Variants in RABL2A observed in about 807,000 individuals in gnomAD.
RABL2A encodes the protein rab-like protein 2A.
A neutral mutation model predicts 30.7 loss-of-function variants in RABL2A; 17 were observed. That is an observed-to-expected ratio of 0.55 (90% CI 0.38 to 0.83). The LOEUF is 0.83. Among genes scored for constraint, RABL2A ranks in the 40% least tolerant of loss-of-function variants. The pLI is 0.00. For synonymous variants in RABL2A, 64 were observed against 101.8 expected, an observed-to-expected ratio of 0.63 and a Z score of 2.24; for missense variants, 155 against 272.6, an observed-to-expected ratio of 0.57 and a Z score of 3.04.
chr2:113,643,278 T>C lies in RABL2A; in HGVS notation c.*1149T>C. ...ATGCCTGTTCACCCCTCTCTGGTAC[T>C]TGTGGCTTGCTAGTATGTTTTTATG... is the stretch of plus-strand genomic sequence containing the variant. On this transcript the variant is annotated 3_prime_UTR_variant, in exon 9 of 9. Coordinates refer to ENST00000683472, the MANE Select transcript of RABL2A (RefSeq NM_001306158.2). 1 of 346,918 alleles carries C rather than the reference T, an allele frequency of 2.9e-6. No homozygotes were observed. Among genetic ancestry groups the C allele is most frequent in the Non-Finnish European group, 5.7e-6 (1 of 176,730 alleles). 21.5% of individuals were successfully genotyped at this position (346,918 alleles called of 1,614,324 possible). A position where few individuals can be genotyped will look rare whatever the true frequency, so the allele number is the denominator to read the frequency against.
chr2:113,629,317 C>T (rs547652137), intron 2 of RABL2A, among the ~76,000 whole-genome samples: 24 of 152,176 alleles, frequency 1.6e-4, no homozygotes, highest in Non-Finnish European at 2.9e-4. Flanking sequence ...TACACTTGCC[C>T]CTGCCCAGAG....
intron 5 of RABL2A, 179 bp from the exon 6 acceptor site, chr2:113,640,715 C>T (rs995974242): frequency 2.7e-6 from 2 of 734,736 alleles, no homozygotes; most frequent in African/African-American, 3.6e-5. Context: ...CATCTGGAGG[C>T]TCCAGGGGGC....
At chr2:113,639,854 T>TAAAAA (rs1274429437) in intron 5 of RABL2A, among the ~76,000 whole-genome samples, 8 of 110,114 alleles carry the variant, frequency 7.3e-5, no homozygotes, top group Non-Finnish European at 1.4e-4. Flanking sequence ...AGACTCCGTC[T>TAAAAA]AAAAAAAAAA....
chr2:113,634,195 GCA>G lies in RABL2A; in HGVS notation c.185_186del (p.Thr62SerfsTer40). The G allele has an allele frequency of 6.2e-7, 1 of 1,612,954 alleles. No individual in the cohort carries two copies. Among genetic ancestry groups the G allele is most frequent in the Non-Finnish European group, 8.5e-7 (1 of 1,179,422 alleles). On this transcript the variant is annotated frameshift_variant, in exon 4 of 9. Coordinates refer to ENST00000683472, the MANE Select transcript of RABL2A (RefSeq NM_001306158.2). LOFTEE classifies it high-confidence loss of function. ...LSTYALTLYK[H>X]TATVDGKTIL... The stretch of plus-strand genomic sequence containing the variant: ...CCACGTACGCCCTGACCCTGTACAA[GCA>G]CACAGCCACGGTAGATGGCAAGACC...
At chr2:113,627,532 G>A (rs1164397654) in intron 1 of RABL2A, 132 bp downstream of exon 1, 1 of 157,072 alleles carries the variant, frequency 6.4e-6, no homozygotes, top group Non-Finnish European at 1.4e-5. Flanking sequence ...AGGCTGTTGT[G>A]GGGGGCGGGA....
chr2:113,639,537 G>A (rs59478846), intron 5 of RABL2A, among the ~76,000 whole-genome samples: 4 of 146,406 alleles, frequency 2.7e-5, no homozygotes, highest in African/African-American at 1.0e-4. Context: ...CAAGAGAATC[G>A]CTTGAACCTA....
chr2:113,633,983 A>G, intron 3 of RABL2A, 170 bp from the exon 4 acceptor site: 1 of 1,418,884 alleles, frequency 7.0e-7, no homozygotes, highest in Non-Finnish European at 9.5e-7. Context: ...AGCTTGTACC[A>G]GTGGTATGTG....
At chr2:113,636,819 T>G (rs1682936872) in intron 5 of RABL2A, among the ~76,000 whole-genome samples, 1 of 151,968 alleles carries the variant, frequency 6.6e-6, no homozygotes. Flanking sequence ...AAACCCCGTC[T>G]CTACTAAAAA....
intron 2 of RABL2A, 140 bp from the exon 3 acceptor site, chr2:113,632,775 C>G (rs1559139429): frequency 5.0e-6 from 6 of 1,195,424 alleles, no homozygotes; most frequent in Admixed American, 1.9e-5. Context: ...CAGACTTGAC[C>G]CGGAAGCTGT....
intron 5 of RABL2A, chr2:113,637,369 G>C (rs1385457275): frequency 9.9e-7 from 1 of 1,015,044 alleles, no homozygotes; most frequent in African/African-American, 1.7e-5. Context: ...TCTTCCGTGT[G>C]TGCTCCTGCA....
At position 113,642,250 on chromosome 2, in the gene RABL2A, T is replaced by A; in HGVS notation, c.*121T>A. ...TCTTCTACCTCCTGCAACCCACCCA[T>A]CCTATTAGCCTCCCACATTCAAGGC... On this transcript the variant is annotated 3_prime_UTR_variant, in exon 9 of 9. Coordinates refer to ENST00000683472, the MANE Select transcript of RABL2A (RefSeq NM_001306158.2). 6.7e-7 allele frequency: 1 copy of A among 1,481,808 alleles called. No individual in the cohort carries two copies. The highest frequency in any genetic ancestry group is 9.0e-7 in the Non-Finnish European group (1 of 1,112,190). 91.8% of individuals were successfully genotyped at this position (1,481,808 alleles called of 1,614,324 possible). A position where few individuals can be genotyped will look rare whatever the true frequency, so the allele number is the denominator to read the frequency against.
At chr2:113,632,838 C>T in intron 2 of RABL2A, 77 bp from the exon 3 acceptor site, 1 of 1,611,052 alleles carries the variant, frequency 6.2e-7, no homozygotes, top group Non-Finnish European at 8.5e-7. Flanking sequence ...TCCAGGTTGT[C>T]AGCCTTAGGG....
At chr2:113,634,904 G>C (rs1397510824) in intron 4 of RABL2A, 147 bp from the exon 5 acceptor site, 3 of 884,834 alleles carry the variant, frequency 3.4e-6, no homozygotes, top group Admixed American at 4.0e-5. Context: ...GAAGACACAC[G>C]TGTGGGGCTG....
At chr2:113,640,516 C>G (rs1163321349) in intron 5 of RABL2A, 1 of 297,636 alleles carries the variant, frequency 3.4e-6, no homozygotes, top group Non-Finnish European at 6.5e-6. Context: ...GCTGAGATTA[C>G]CGGCATGCGC....
chr2:113,635,036 G>T lies in RABL2A; in HGVS notation c.218-15G>T. Reference sequence around the variant, plus strand: ...ATGCACCAGGCATGTAGGTCTGTCTGTGTTCACATTGCAGACTTTTGGGAC... The same window carrying T: ...ATGCACCAGGCATGTAGGTCTGTCTTTGTTCACATTGCAGACTTTTGGGAC... On this transcript the variant is annotated splice_polypyrimidine_tract_variant and intron_variant, in intron 4 of 8. Coordinates refer to ENST00000683472, the MANE Select transcript of RABL2A (RefSeq NM_001306158.2). The T allele has an allele frequency of 6.2e-7, 1 of 1,614,196 alleles. No homozygotes were observed. Among genetic ancestry groups the T allele is most frequent in the South Asian group, 1.1e-5 (1 of 91,080 alleles).
intron 4 of RABL2A, chr2:113,634,523 A>G (rs2592660): frequency 1.2e-5 from 6 of 508,672 alleles, no homozygotes; most frequent in East Asian, 7.0e-5. Context: ...GAAGAAGAAC[A>G]TAAGAGGCCT....
chr2:113,629,627 C>T lies in RABL2A; in HGVS notation c.107+914C>T, dbSNP rs556159381. Among the ~76,000 whole-genome samples, 738 of 152,110 alleles carry T rather than the reference C, an allele frequency of 4.9e-3. 3 individuals are homozygous for T. Among genetic ancestry groups the T allele is most frequent in the Middle Eastern group, 0.014 (4 of 294 alleles). On this transcript the variant is annotated intron_variant, in intron 2 of 8. Transcript: ENST00000683472. ...TCGGCTCACTGCAAGCTCCGCCTCC[C>T]GGGTTCACACCATTCTCCTGCCACA...
chr2:113,633,897 C>G lies in RABL2A; in HGVS notation c.138-256C>G, dbSNP rs139233834. 2.9e-4 allele frequency: 176 copies of G among 613,856 alleles called. No homozygotes were observed. In the African/African-American group the frequency reaches 3.1e-3, roughly 11 times the overall value. The allele number at this position is 613,856 out of a possible 1,614,324, so 38.0% of individuals were successfully genotyped here. A position where few individuals can be genotyped will look rare whatever the true frequency, so the allele number is the denominator to read the frequency against. ...CTTTTATGACACTTGTCTGTAAAAT[C>G]CTGTTCTGTGTTTTACCTCAGACTT... On this transcript the variant is annotated intron_variant, in intron 3 of 8. Coordinates refer to ENST00000683472, the MANE Select transcript of RABL2A (RefSeq NM_001306158.2).
intron 5 of RABL2A, 100 bp from the exon 6 acceptor site, chr2:113,640,794 A>G (rs1684838408): frequency 4.4e-6 from 7 of 1,584,672 alleles, no homozygotes; most frequent in Middle Eastern, 1.8e-4. Context: ...AAACAGCACC[A>G]TGTGCTCATG....
Sources: gnomAD v4.1 joint callset for allele counts (sites outside exome capture counted in the v4.1 genomes callset) on GRCh38, gnomAD v4.1.1 for gene constraint, MANE v1.5 for transcripts, NCBI Gene and HGNC (gene_info 2026-07-23, HGNC 2026-07-21) for gene names.